Variants in CGRRF1 observed in about 807,000 individuals in gnomAD.
CGRRF1 encodes cell growth regulator with RING finger domain protein 1.
Under a neutral mutation model 37.2 loss-of-function variants are expected in CGRRF1, and 32 were observed. That is an observed-to-expected ratio of 0.86 (90% CI 0.65 to 1.16). CGRRF1 has a LOEUF of 1.16. Among genes scored for constraint, CGRRF1 ranks in the 50% most tolerant of loss-of-function variants. CGRRF1 has a pLI of 0.00. For synonymous variants in CGRRF1, 141 were observed against 140.3 expected (o/e 1.00, Z -0.04); for missense variants, 391 against 382.6 (o/e 1.02, Z -0.18).
At position 54,524,541 on chromosome 14, in the gene CGRRF1, G is replaced by A. The variant is rs1005278167; in HGVS notation, c.244+1948G>A. Among the ~76,000 whole-genome samples the A allele has an allele frequency of 4.6e-5, 7 of 151,492 alleles. No individual in the cohort carries two copies. In the South Asian group the frequency reaches 6.3e-4, roughly 14 times the overall value. On this transcript the variant is annotated intron_variant, in intron 2 of 5. Transcript: ENST00000216420. The stretch of plus-strand genomic sequence containing the variant: ...GCTGGGACTACAGGTGTGCATGACC[G>A]TGCCTGGCTAAATAAAAAAAAAAAT...
chr14:54,531,642 G>A (rs2032516705), intron 4 of CGRRF1, among the ~76,000 whole-genome samples: 1 of 152,052 alleles, frequency 6.6e-6, no homozygotes, highest in Admixed American at 6.6e-5. Context: ...AGTCCCTGCT[G>A]CACCTATATC....
intron 1 of CGRRF1, among the ~76,000 whole-genome samples, chr14:54,521,503 C>T (rs1366597061): frequency 1.3e-5 from 2 of 151,594 alleles, no homozygotes; most frequent in Admixed American, 6.6e-5. Context: ...TCATATTAGT[C>T]TGCCTCTTTT....
intron 1 of CGRRF1, among the ~76,000 whole-genome samples, chr14:54,519,203 C>T (rs1415400501): frequency 6.6e-4 from 100 of 151,810 alleles, no homozygotes; most frequent in Non-Finnish European, 4.6e-4. Context: ...ACCTTGGCCT[C>T]CCAAAATGTT....
chr14:54,521,166 G>A (rs2032309340), intron 1 of CGRRF1, among the ~76,000 whole-genome samples: 1 of 152,098 alleles, frequency 6.6e-6, no homozygotes, highest in African/African-American at 2.4e-5. Flanking sequence ...TGTTTTAAAA[G>A]TTCCATTGTC....
At chr14:54,531,181 C>G in intron 4 of CGRRF1, 131 bp downstream of exon 4, 3 of 709,174 alleles carry the variant, frequency 4.2e-6, no homozygotes, top group Non-Finnish European at 2.3e-6. Context: ...AACTATATAC[C>G]TATTTGGTTT....
intron 3 of CGRRF1, chr14:54,530,447 A>T: frequency 1.2e-6 from 1 of 851,068 alleles, no homozygotes; most frequent in Non-Finnish European, 1.8e-6. Context: ...TGAAAATTAG[A>T]CTTCTTATGG....
chr14:54,536,878 T>C (rs1165989759), intron 4 of CGRRF1: 1 of 152,202 alleles, frequency 6.6e-6, no homozygotes, highest in Non-Finnish European at 1.5e-5. Context: ...CCTCTGGGTT[T>C]TGAGTTGTAG....
intron 1 of CGRRF1, among the ~76,000 whole-genome samples, chr14:54,516,569 C>T (rs910710442): frequency 6.6e-6 from 1 of 151,884 alleles, no homozygotes; most frequent in African/African-American, 2.4e-5. Flanking sequence ...CGTAGCATAT[C>T]TTCTTTCTTT....
At chr14:54,529,033 AAAC>A (rs1347022073) in intron 2 of CGRRF1, among the ~76,000 whole-genome samples, 1 of 152,216 alleles carries the variant, frequency 6.6e-6, no homozygotes, top group Non-Finnish European at 1.5e-5. Context: ...CAAGCAACAG[AAAC>A]AACTTCAATA....
rs138339329 is a variant in CGRRF1, at chr14:54,521,270, G to A, written c.105-1184G>A. ...AAGGTCAGGAGTTCGAGACCAGCCT[G>A]GTCAATATGGTGAAACCCCGTCTCT... On this transcript the variant is annotated intron_variant, in intron 1 of 5. Coordinates refer to ENST00000216420, the MANE Select transcript of CGRRF1 (RefSeq NM_006568.3). Among the ~76,000 whole-genome samples the A allele has an allele frequency of 2.3e-3, 352 of 151,946 alleles. 1 individual carries two copies. The highest frequency in any genetic ancestry group is 7.8e-3 in the African/African-American group (325 of 41,482).
intron 1 of CGRRF1, among the ~76,000 whole-genome samples, chr14:54,513,605 T>C (rs762415101): frequency 2.3e-4 from 35 of 151,220 alleles, no homozygotes; most frequent in Non-Finnish European, 1.3e-4. Flanking sequence ...TGTTATGTTA[T>C]GTTATGTTAT....
intron 1 of CGRRF1, among the ~76,000 whole-genome samples, chr14:54,510,433 C>CTG (rs2032111012): frequency 6.6e-6 from 1 of 152,182 alleles, no homozygotes; most frequent in South Asian, 2.1e-4. Context: ...ACTGTGTGTC[C>CTG]TGGATGAGTT....
At chr14:54,536,149 A>G (rs2032598129) in intron 4 of CGRRF1, 1 of 152,014 alleles carries the variant, frequency 6.6e-6, no homozygotes, top group South Asian at 2.1e-4. Context: ...TTTTTCTTAC[A>G]CAAAAGATAG....
intron 1 of CGRRF1, among the ~76,000 whole-genome samples, chr14:54,518,265 G>T (rs2032249704): frequency 1.3e-5 from 2 of 152,068 alleles, no homozygotes; most frequent in Admixed American, 6.6e-5. Flanking sequence ...TTTCTTTTAG[G>T]CCAGGCGCAG....
intron 3 of CGRRF1, 46 bp downstream of exon 3, chr14:54,530,272 C>A: frequency 2.0e-6 from 3 of 1,465,676 alleles, no homozygotes; most frequent in Admixed American, 1.8e-5. Flanking sequence ...AATTAGACTT[C>A]TTATGGATAA....
rs199716836 is a variant in CGRRF1, at chr14:54,510,074, CA to C, written c.104+12del. The C allele has an allele frequency of 4.3e-3, 6,852 of 1,591,540 alleles. 72 individuals are homozygous for C. Among genetic ancestry groups the C allele is most frequent in the Middle Eastern group, 9.2e-3 (55 of 5,950 alleles). ...CCTGGTATTGGGATGGTAAGTGTCC[CA>C]GGGGTGAGAGACGAAGGGGCGGATA... On this transcript the variant is annotated intron_variant, in intron 1 of 5. Coordinates refer to ENST00000216420, the MANE Select transcript of CGRRF1 (RefSeq NM_006568.3).
intron 1 of CGRRF1, among the ~76,000 whole-genome samples, chr14:54,519,103 C>T (rs28430855): frequency 0.027 from 4,135 of 152,126 alleles, 155 homozygotes; most frequent in African/African-American, 0.093. Context: ...CCACCATGCC[C>T]AGCTAATTTT....
chr14:54,531,200 G>A (rs2140064872), intron 4 of CGRRF1, 150 bp downstream of exon 4: 2 of 601,934 alleles, frequency 3.3e-6, no homozygotes, highest in Admixed American at 6.7e-5. Context: ...TTTTATATGT[G>A]AAACAGTACC....
At chr14:54,517,593 A>T (rs918400489) in intron 1 of CGRRF1, among the ~76,000 whole-genome samples, 8 of 151,974 alleles carry the variant, frequency 5.3e-5, no homozygotes, top group African/African-American at 1.2e-4. Flanking sequence ...TATTATTATT[A>T]TTTTTAGTTG....
Sources: gnomAD v4.1 joint callset for allele counts (sites outside exome capture counted in the v4.1 genomes callset) on GRCh38, gnomAD v4.1.1 for gene constraint, MANE v1.5 for transcripts, NCBI Gene and HGNC (gene_info 2026-07-23, HGNC 2026-07-21) for gene names.